Variants in PPM1J observed in about 807,000 individuals in gnomAD.
PPM1J encodes protein phosphatase 1J.
In PPM1J, 43 loss-of-function variants were observed where a neutral mutation model predicts 53.3. The observed-to-expected ratio is 0.81, with a 90% confidence interval of 0.63 to 1.04. PPM1J has a LOEUF of 1.04. PPM1J is among the 50% of genes least tolerant of loss of function. The pLI, the probability that PPM1J is intolerant of heterozygous loss-of-function variation, is 0.00. For synonymous variants in PPM1J, 267 were observed against 286.4 expected (o/e 0.93, Z 0.68); for missense variants, 635 against 685.9 (o/e 0.93, Z 0.83).
chr1:112,715,137 C>A lies in PPM1J; in HGVS notation c.165G>T (p.Ala55=). The change falls in exon 1 of 10, where the codon GCG becomes GCT. Residue 55 remains alanine (A), a synonymous_variant. Transcript: ENST00000309276. This position sits in a 1 kb window ranked among gnomAD's most constrained non-coding sequence, Gnocchi z 4.4. ...GAGCCTCAACAGCCTTCGCGGGCGT[C>A]GCGCTCCCGCTCCCAGCCTTCGCGG... ...SPPAKAGSGS[A]TPAKAVEARA... 6.5e-7 allele frequency: 1 copy of A among 1,549,014 alleles called. No individual in the cohort carries two copies. The highest frequency in any genetic ancestry group is 8.6e-7 in the Non-Finnish European group (1 of 1,158,342).
Position 112,715,063 on chromosome 1 carries a change from AG to A in PPM1J, c.238del (p.Leu80CysfsTer102), listed in dbSNP as rs764507477. ...GCCCGCGTGGTCATCGGCGCGTCGCAGCCCCCCGGGGCTCAGCTGCAGAAAG... is the reference window on the plus strand; with the variant it reads ...GCCCGCGTGGTCATCGGCGCGTCGCACCCCCCGGGGCTCAGCTGCAGAAAG... ...PTFLQLSPGG[L>X]RRADDHAGRA... is the part of the protein sequence containing the mutation. On this transcript the variant is annotated frameshift_variant, in exon 1 of 10. Transcript: ENST00000309276. LOFTEE classifies it high-confidence loss of function. The surrounding 1 kb of genome is among the most constrained non-coding windows in gnomAD (Gnocchi z 4.4). 16 of 1,544,156 alleles carry A rather than the reference AG, an allele frequency of 1.0e-5. No individual in the cohort carries two copies. In the South Asian group the frequency reaches 1.8e-4, roughly 17 times the overall value.
Position 112,710,779 on chromosome 1 carries a change from G to C in PPM1J, c.1183C>G (p.Leu395Val). The C allele has an allele frequency of 6.2e-7, 1 of 1,614,110 alleles. No individual in the cohort carries two copies. Among genetic ancestry groups the C allele is most frequent in the Non-Finnish European group, 8.5e-7 (1 of 1,179,964 alleles). ...CAGGAGAGAAAGGGCTTGATGGGCAGGGTGGAACTGCAGACCTTAAGGCTG... is the reference window on the plus strand; with the variant it reads ...CAGGAGAGAAAGGGCTTGATGGGCACGGTGGAACTGCAGACCTTAAGGCTG... ...DHSLKVCSST[L>V]PIKPFLSCFP... is the part of the protein sequence containing the mutation. The change falls in exon 8 of 10, where the codon CTG becomes GTG. Residue 395 changes from leucine to valine, a missense_variant. Transcript: ENST00000309276.
At chr1:112,712,708 T>C in intron 3 of PPM1J, 36 bp downstream of exon 3, 1 of 1,575,396 alleles carries the variant, frequency 6.3e-7, no homozygotes, top group South Asian at 1.2e-5. Flanking sequence ...CCAGAGTGGT[T>C]GCCTAGCAGG....
chr1:112,711,468 G>C (rs770834161), intron 5 of PPM1J, 84 bp from the exon 6 acceptor site: 3 of 753,448 alleles, frequency 4.0e-6, no homozygotes, highest in Admixed American at 4.8e-5. Context: ...GTTGACTACA[G>C]CAGACCCTTA....
At chr1:112,714,718 G>C (rs911162956) in intron 1 of PPM1J, 11 of 1,245,416 alleles carry the variant, frequency 8.8e-6, no homozygotes, top group African/African-American at 1.6e-5. Flanking sequence ...CTCTGGGGCA[G>C]AACAGGGTCC....
At chr1:112,714,588 G>T in intron 1 of PPM1J, 1 of 1,028,242 alleles carries the variant, frequency 9.7e-7, no homozygotes. Flanking sequence ...CAACCGCTAT[G>T]TCCCCTATTA....
chr1:112,712,139 A>G (rs924189644), intron 4 of PPM1J, 84 bp from the exon 5 acceptor site: 11 of 1,199,916 alleles, frequency 9.2e-6, no homozygotes, highest in Non-Finnish European at 1.2e-5. Context: ...GGCCCTCTCC[A>G]TAATGACCTT....
At chr1:112,712,645 A>G in intron 3 of PPM1J, 99 bp downstream of exon 3, 1 of 1,317,542 alleles carries the variant, frequency 7.6e-7, no homozygotes, top group Non-Finnish European at 1.1e-6. Context: ...TCAGGCTCTC[A>G]AAGGTGTTGT....
chr1:112,715,111 C>A lies in PPM1J; in HGVS notation c.191G>T (p.Arg64Leu). 1 of 1,558,034 alleles carries A rather than the reference C, an allele frequency of 6.4e-7. No homozygotes were observed. Among genetic ancestry groups the A allele is most frequent in the Non-Finnish European group, 8.6e-7 (1 of 1,162,122 alleles). ...SATPAKAVEA[R>L]ASFSRPTFLQ... ...AAAGGTCGGTCTGGAGAAGCTCGCTCGAGCCTCAACAGCCTTCGCGGGCGT... is the reference window on the plus strand; with the variant it reads ...AAAGGTCGGTCTGGAGAAGCTCGCTAGAGCCTCAACAGCCTTCGCGGGCGT... Residue 64 changes from arginine to leucine, a missense_variant, in exon 1 of 10, where the codon CGA (arginine) becomes CTA (leucine). Arg to Leu is a moderately radical substitution (Grantham distance 102). Transcript: ENST00000309276. The surrounding 1 kb of genome is among the most constrained non-coding windows in gnomAD (Gnocchi z 4.4).
intron 6 of PPM1J, 88 bp downstream of exon 6, chr1:112,711,178 C>G: frequency 6.9e-7 from 1 of 1,455,830 alleles, no homozygotes; most frequent in Non-Finnish European, 9.6e-7. Context: ...ATCCTCCCAA[C>G]TCCCAGCCTC....
intron 4 of PPM1J, 77 bp downstream of exon 4, chr1:112,712,268 C>T: frequency 8.2e-7 from 1 of 1,217,450 alleles, no homozygotes; most frequent in African/African-American, 1.5e-5. Flanking sequence ...TTAACCCCTG[C>T]CACCTTACTC....
rs201911189 is a variant in PPM1J, at chr1:112,713,473, T to G, written c.441+24A>C. 3 of 1,544,992 alleles carry G rather than the reference T, an allele frequency of 1.9e-6. No homozygotes were observed. The Admixed American group carries it at 5.0e-5, about 26-fold the overall frequency. ...CCCTGGGGAGAGGTGTCACTGTGTC[T>G]CTGGGAAAGGGGATGGGTCTTACCT... On this transcript the variant is annotated intron_variant, in intron 2 of 9. Transcript: ENST00000309276.
chr1:112,713,841 G>T (rs1272586459), intron 1 of PPM1J, among the ~76,000 whole-genome samples: 2 of 151,870 alleles, frequency 1.3e-5, no homozygotes, highest in Non-Finnish European at 2.9e-5. Context: ...GGAGCTTCTG[G>T]CCAACCGCTA....
chr1:112,715,115 C>A lies in PPM1J; in HGVS notation c.187G>T (p.Ala63Ser). ...GSATPAKAVE[A>S]RASFSRPTFL... ...GTCGGTCTGGAGAAGCTCGCTCGAG[C>A]CTCAACAGCCTTCGCGGGCGTCGCG... Residue 63 changes from alanine (A) to serine (S), a missense_variant, in exon 1 of 10, where the codon GCT (alanine) becomes TCT (serine). Transcript: ENST00000309276. The surrounding 1 kb of genome is among the most constrained non-coding windows in gnomAD (Gnocchi z 4.4). The A allele has an allele frequency of 1.3e-6, 2 of 1,556,706 alleles. No individual in the cohort carries two copies. Among genetic ancestry groups the A allele is most frequent in the Non-Finnish European group, 8.6e-7 (1 of 1,161,574 alleles).
Position 112,715,313 on chromosome 1 carries a change from G to T in PPM1J, c.-12C>A, listed in dbSNP as rs1675177110. 1 of 1,240,646 alleles carries T rather than the reference G, an allele frequency of 8.1e-7. No homozygotes were observed. The highest frequency in any genetic ancestry group is 3.5e-5 in the South Asian group (1 of 28,572). The allele number at this position is 1,240,646 out of a possible 1,614,324, so 76.9% of individuals were successfully genotyped here. On this transcript the variant is annotated 5_prime_UTR_variant, in exon 1 of 10. Transcript: ENST00000309276. The surrounding 1 kb of genome is among the most constrained non-coding windows in gnomAD (Gnocchi z 4.4). ...ACCCGGTTTAGCATGCTGCCTCCCT[G>T]CCCCGCCCTCGGCCGCGGCCCCGCC... is the stretch of plus-strand genomic sequence containing the variant.
chr1:112,712,223 C>CT, intron 4 of PPM1J, 122 bp downstream of exon 4: 1 of 957,016 alleles, frequency 1.0e-6, no homozygotes, highest in Non-Finnish European at 1.6e-6. Flanking sequence ...CTCCTTATGT[C>CT]TGTCACCCCT....
At chr1:112,712,567 A>G in intron 3 of PPM1J, 110 bp from the exon 4 acceptor site, 1 of 1,176,890 alleles carries the variant, frequency 8.5e-7, no homozygotes, top group South Asian at 1.4e-5. Flanking sequence ...GCCAGGCTAC[A>G]CTGGAAGACA....
rs529946593 is a variant in PPM1J, at chr1:112,715,186, G to A, written c.116C>T (p.Ala39Val). 11 of 1,474,316 alleles carry A rather than the reference G, an allele frequency of 7.5e-6. No homozygotes were observed. The South Asian group carries it at 9.3e-5, about 12-fold the overall frequency. 91.3% of individuals were successfully genotyped at this position (1,474,316 alleles called of 1,614,324 possible). A position where few individuals can be genotyped will look rare whatever the true frequency, so the allele number is the denominator to read the frequency against. The change falls in exon 1 of 10, where the codon GCT (alanine) becomes GTT (valine). Residue 39 changes from alanine to valine, a missense_variant. Ala to Val is a moderately conservative substitution (Grantham distance 64). Coordinates refer to ENST00000309276, the MANE Select transcript of PPM1J (RefSeq NM_005167.7). The surrounding 1 kb of genome is among the most constrained non-coding windows in gnomAD (Gnocchi z 4.4). Reference sequence around the variant, plus strand: ...GGGAGGGCTCCTGGGCGCTTCTGGAGCGGCGGCGGGCGGCGCCGAGGCGGC... The same window carrying A: ...GGGAGGGCTCCTGGGCGCTTCTGGAACGGCGGCGGGCGGCGCCGAGGCGGC... ...PNAASAPPAA[A>V]PEAPRSPPAK...
intron 1 of PPM1J, 74 bp from the exon 2 acceptor site, chr1:112,713,685 A>T: frequency 8.3e-7 from 1 of 1,199,026 alleles, no homozygotes; most frequent in Non-Finnish European, 1.2e-6. Flanking sequence ...TTAGACACAC[A>T]CCGTCTCCTG....
Sources: allele counts gnomAD v4.1 joint callset (sites outside exome capture counted in the v4.1 genomes callset), GRCh38; gene constraint gnomAD v4.1.1; non-coding constraint Gnocchi (gnomAD v3.1); transcripts MANE v1.5; gene names NCBI Gene and HGNC (gene_info 2026-07-23, HGNC 2026-07-21).